Variants in MRTFA observed in about 807,000 individuals in gnomAD.
MRTFA encodes myocardin-related transcription factor A.
In MRTFA, 20 loss-of-function variants were observed where a neutral mutation model predicts 83.5. The observed-to-expected ratio is 0.24, with a 90% CI of 0.17 to 0.35. The LOEUF (loss-of-function observed/expected upper bound fraction) is 0.35, where lower values mean the gene tolerates loss of function less well. Among genes scored for constraint, MRTFA ranks in the 10% least tolerant of loss-of-function variants. The pLI, the probability that MRTFA is intolerant of heterozygous loss-of-function variation, is 1.00. For synonymous variants in MRTFA, 659 were observed against 541.2 expected (o/e 1.22, Z -3.02); for missense variants, 1,200 against 1,224.7 (o/e 0.98, Z 0.30).
intron 7 of MRTFA, 26 bp downstream of exon 7, chr22:40,429,578 TCA>T: frequency 4.3e-6 from 7 of 1,614,008 alleles, no homozygotes; most frequent in Non-Finnish European, 5.9e-6. Context: ...CAGCTGCCTC[TCA>T]CACAGGGTGG....
At chr22:40,533,664 C>T in intron 3 of MRTFA, 5 of 1,216,120 alleles carry the variant, frequency 4.1e-6, no homozygotes, top group Non-Finnish European at 5.1e-6. Flanking sequence ...CAAAAATCCA[C>T]AAATATAATG....
Position 40,453,558 on chromosome 22 carries a change from G to C in MRTFA, c.307+9663C>G, listed in dbSNP as rs6001918. Among the ~76,000 whole-genome samples, 1,125 of 152,300 alleles carry C rather than the reference G, an allele frequency of 7.4e-3. 24 individuals are homozygous for C. The Middle Eastern group carries it at 0.075, about 10-fold the overall frequency. On this transcript the variant is annotated intron_variant, in intron 4 of 14. Coordinates refer to ENST00000355630, the MANE Select transcript of MRTFA (RefSeq NM_020831.6). ...CTTTCAGTAACTCCCAAATGGACTA[G>C]AGCGTATGAGAGATGATAAAGGCCC...
chr22:40,578,834 G>A (rs938895201), intron 2 of MRTFA, among the ~76,000 whole-genome samples: 1 of 152,226 alleles, frequency 6.6e-6, no homozygotes, highest in Admixed American at 6.5e-5. Flanking sequence ...GAGATGGGAC[G>A]ATCACTTGAG....
chr22:40,531,252 T>C (rs2055074161), intron 3 of MRTFA, among the ~76,000 whole-genome samples: 2 of 146,464 alleles, frequency 1.4e-5, no homozygotes, highest in Non-Finnish European at 3.0e-5. Context: ...GTGGGCACCA[T>C]CATACCTGGC....
At chr22:40,513,946 T>C (rs1438468034) in intron 3 of MRTFA, among the ~76,000 whole-genome samples, 13 of 136,750 alleles carry the variant, frequency 9.5e-5, no homozygotes, top group Non-Finnish European at 5.0e-5. Flanking sequence ...AAAGTAATAA[T>C]TTTTTTTTTT....
At chr22:40,603,194 G>C (rs1720635054) in intron 1 of MRTFA, among the ~76,000 whole-genome samples, 1 of 152,152 alleles carries the variant, frequency 6.6e-6, no homozygotes, top group Non-Finnish European at 1.5e-5. Context: ...AGTCTTTCTA[G>C]CTCCGAGGCT....
chr22:40,529,236 G>A (rs1334500695), intron 3 of MRTFA, among the ~76,000 whole-genome samples: 1 of 152,110 alleles, frequency 6.6e-6, no homozygotes, highest in Non-Finnish European at 1.5e-5. Context: ...TAATGATTAG[G>A]GAAATAGAAG....
At chr22:40,417,075 G>T (rs1262993380) in intron 13 of MRTFA, 29 bp from the exon 14 acceptor site, 6 of 1,551,880 alleles carry the variant, frequency 3.9e-6, no homozygotes, top group Non-Finnish European at 4.4e-6. Context: ...AAAAAAAAGA[G>T]ATAAAAATCT....
intron 2 of MRTFA, chr22:40,587,189 T>C (rs1172356920): frequency 1.7e-5 from 8 of 459,314 alleles, no homozygotes; most frequent in African/African-American, 4.0e-5. Flanking sequence ...AGATTGCAGT[T>C]ACTCTTGAGG....
intron 7 of MRTFA, among the ~76,000 whole-genome samples, chr22:40,427,680 G>A (rs2052983917): frequency 6.6e-6 from 1 of 152,170 alleles, no homozygotes; most frequent in African/African-American, 2.4e-5. Context: ...AAAACCCTTG[G>A]AATTTCCTTA....
At chr22:40,632,578 G>A (rs1247569711) in intron 1 of MRTFA, among the ~76,000 whole-genome samples, 5 of 152,134 alleles carry the variant, frequency 3.3e-5, no homozygotes, top group East Asian at 1.9e-4. Context: ...TGGGACTACA[G>A]GCGTGCATCA....
At chr22:40,413,924 ATAAG>A (rs918897209) in intron 14 of MRTFA, among the ~76,000 whole-genome samples, 174 of 152,324 alleles carry the variant, frequency 1.1e-3, no homozygotes, top group African/African-American at 4.0e-3. Context: ...AAAATTGAAA[ATAAG>A]AAGTGCTGGT....
intron 4 of MRTFA, among the ~76,000 whole-genome samples, chr22:40,448,660 C>T (rs535449734): frequency 1.3e-5 from 2 of 152,310 alleles, no homozygotes; most frequent in Admixed American, 6.5e-5. Context: ...TCAGATCTAA[C>T]CTCAGAAAAT....
At chr22:40,512,578 G>C (rs1234722292) in intron 3 of MRTFA, among the ~76,000 whole-genome samples, 1 of 152,214 alleles carries the variant, frequency 6.6e-6, no homozygotes, top group Non-Finnish European at 1.5e-5. Context: ...ATGAGAGGTT[G>C]AGAGCTTTCG....
intron 2 of MRTFA, chr22:40,569,744 CATACATACATACATACATA>C (rs2055758872): frequency 1.3e-5 from 2 of 151,446 alleles, no homozygotes; most frequent in East Asian, 1.9e-4. Flanking sequence ...TACATACATA[CATACATACATACATACATA>C]CATACATACA....
Position 40,419,225 on chromosome 22 carries a change from C to A in MRTFA, c.1513G>T (p.Glu505Ter). ...GCCGCTGGGAAGGCTACCACCACCT[C>A]GCCAGCCTTGTGCAGGATAGAGGTG... The change falls in exon 12 of 15, where the codon GAG becomes TAG. Residue 505 changes from glutamate (E) to a stop codon, truncating the protein, a stop_gained. Transcript: ENST00000355630. LOFTEE classifies it high-confidence loss of function. 6.2e-7 allele frequency: 1 copy of A among 1,605,554 alleles called. No homozygotes were observed. Among genetic ancestry groups the A allele is most frequent in the Non-Finnish European group, 8.5e-7 (1 of 1,176,222 alleles).
chr22:40,511,138 A>AG (rs1436381300), intron 3 of MRTFA, among the ~76,000 whole-genome samples: 4 of 152,210 alleles, frequency 2.6e-5, no homozygotes, highest in Non-Finnish European at 4.4e-5. Flanking sequence ...ATAGCCAGGG[A>AG]GCCCAATAAC....
Position 40,411,078 on chromosome 22 carries a change from T to A in MRTFA, c.*312A>T, listed in dbSNP as rs915038415. ...CAGGCTTCACCTACCTTAGCCAAAT[T>A]GTAGCCAGACAGACAGTGCCCCCTG... On this transcript the variant is annotated 3_prime_UTR_variant, in exon 15 of 15. Coordinates refer to ENST00000355630, the MANE Select transcript of MRTFA (RefSeq NM_020831.6). The A allele has an allele frequency of 6.9e-6, 2 of 291,396 alleles. No homozygotes were observed. Among genetic ancestry groups the A allele is most frequent in the Non-Finnish European group, 1.3e-5 (2 of 157,136 alleles). 18.1% of individuals were successfully genotyped at this position (291,396 alleles called of 1,614,324 possible). A position where few individuals can be genotyped will look rare whatever the true frequency, so the allele number is the denominator to read the frequency against.
At chr22:40,577,616 T>C (rs1216888588) in intron 2 of MRTFA, among the ~76,000 whole-genome samples, 1 of 151,388 alleles carries the variant, frequency 6.6e-6, no homozygotes, top group Non-Finnish European at 1.5e-5. Context: ...CTGATTTTTT[T>C]TTTTTTTTTT....
Sources: gnomAD v4.1 joint callset for allele counts (sites outside exome capture counted in the v4.1 genomes callset) on GRCh38, gnomAD v4.1.1 for gene constraint, MANE v1.5 for transcripts, NCBI Gene and HGNC (gene_info 2026-07-23, HGNC 2026-07-21) for gene names.